The following TPCN1 variants were observed in gnomAD, a reference collection of about 807,000 sequenced individuals.
TPCN1 encodes two pore segment channel 1.
Under a neutral mutation model 108.8 loss-of-function variants are expected in TPCN1, and 52 were observed. The ratio of observed to expected loss-of-function variants is 0.48; its 90% CI spans 0.38 to 0.60. The LOEUF is 0.60. TPCN1 is among the 20% of genes least tolerant of loss of function. The pLI is 0.00. For missense variants in TPCN1, 806 were observed against 1,072.8 expected (o/e 0.75, Z 3.47); for synonymous variants, 446 against 433.7 (o/e 1.03, Z -0.35).
At chr12:113,260,584 C>A in intron 3 of TPCN1, 92 bp downstream of exon 3, 1 of 1,461,834 alleles carries the variant, frequency 6.8e-7, no homozygotes, top group Non-Finnish European at 9.1e-7. Context: ...AAATTCAGTT[C>A]CAGCATCAGT....
At chr12:113,287,937 C>A (rs1220031087) in intron 19 of TPCN1, among the ~76,000 whole-genome samples, 2 of 152,128 alleles carry the variant, frequency 1.3e-5, no homozygotes, top group Non-Finnish European at 2.9e-5. Flanking sequence ...CGTGGAAGGA[C>A]CCCGCCCAGC....
chr12:113,229,358 G>A (rs1394777628), intron 2 of TPCN1, among the ~76,000 whole-genome samples: 1 of 152,256 alleles, frequency 6.6e-6, no homozygotes, highest in Non-Finnish European at 1.5e-5. Context: ...GGTAGGACCT[G>A]TGCAAGTAAA....
intron 2 of TPCN1, among the ~76,000 whole-genome samples, chr12:113,246,881 T>G (rs1954415927): frequency 6.6e-6 from 1 of 152,214 alleles, no homozygotes; most frequent in Non-Finnish European, 1.5e-5. Context: ...GGGGCTGGAC[T>G]GGGGTGATGC....
intron 2 of TPCN1, among the ~76,000 whole-genome samples, chr12:113,228,249 C>T (rs1463659002): frequency 6.6e-6 from 1 of 152,200 alleles, no homozygotes. Flanking sequence ...TTCCCCTTCT[C>T]CTCTTCCTTC....
At chr12:113,267,795 C>T in intron 4 of TPCN1, 48 bp from the exon 5 acceptor site, 2 of 1,318,658 alleles carry the variant, frequency 1.5e-6, no homozygotes, top group Non-Finnish European at 1.1e-6. Context: ...AGAGGAGTGG[C>T]CATGGGCTGG....
rs768126426 is a variant in TPCN1, at chr12:113,231,329, C to T, written c.112+4365C>T. On this transcript the variant is annotated intron_variant, in intron 2 of 27. Transcript: ENST00000335509. This position sits in a 1 kb window ranked among gnomAD's most constrained non-coding sequence, Gnocchi z 4.3. ...TTTGGTTTCTTGCGAAGCCTCTTTCCTTGGCTCGCAAATGGTTATCTTCTT... is the reference window on the plus strand; with the variant it reads ...TTTGGTTTCTTGCGAAGCCTCTTTCTTTGGCTCGCAAATGGTTATCTTCTT... Among the ~76,000 whole-genome samples, 2 of 152,222 alleles carry T rather than the reference C, an allele frequency of 1.3e-5. No homozygotes were observed. Among genetic ancestry groups the T allele is most frequent in the Non-Finnish European group, 2.9e-5 (2 of 68,040 alleles).
intron 3 of TPCN1, among the ~76,000 whole-genome samples, chr12:113,263,739 G>C (rs1955134216): frequency 6.6e-6 from 1 of 152,246 alleles, no homozygotes; most frequent in Non-Finnish European, 1.5e-5. Context: ...GTGCTCAGCA[G>C]TCCTGACGCC....
chr12:113,258,085 A>T (rs1043127617), intron 2 of TPCN1, among the ~76,000 whole-genome samples: 8 of 152,232 alleles, frequency 5.3e-5, no homozygotes, highest in African/African-American at 1.2e-4. Context: ...GATTTTACAG[A>T]TATGCACGTA....
At chr12:113,245,430 T>C (rs1441273170) in intron 2 of TPCN1, among the ~76,000 whole-genome samples, 1 of 135,356 alleles carries the variant, frequency 7.4e-6, no homozygotes, top group Non-Finnish European at 1.6e-5. Context: ...ACCCCGTCTC[T>C]ACTAAAAAAA....
Position 113,289,966 on chromosome 12 carries a change from G to A in TPCN1, c.1797-162G>A. 3.5e-6 allele frequency: 2 copies of A among 569,904 alleles called. No individual in the cohort carries two copies. Among genetic ancestry groups the A allele is most frequent in the Non-Finnish European group, 6.2e-6 (2 of 320,994 alleles). The allele number at this position is 569,904 out of a possible 1,614,324, so 35.3% of individuals were successfully genotyped here. On this transcript the variant is annotated intron_variant, in intron 21 of 27. Coordinates refer to ENST00000335509, the MANE Select transcript of TPCN1 (RefSeq NM_017901.6). This position sits in a 1 kb window ranked among gnomAD's most constrained non-coding sequence, Gnocchi z 4.1. Reference sequence around the variant, plus strand: ...AATAGCCAAGGGCATTCCTTCAGCAGGGACCCAGGCATGAGGTGGAGAGGG... The same window carrying A: ...AATAGCCAAGGGCATTCCTTCAGCAAGGACCCAGGCATGAGGTGGAGAGGG...
At chr12:113,239,329 T>C (rs1486426915) in intron 2 of TPCN1, among the ~76,000 whole-genome samples, 2 of 152,172 alleles carry the variant, frequency 1.3e-5, no homozygotes, top group Non-Finnish European at 2.9e-5. Flanking sequence ...TGATGCCTGT[T>C]TGAGATGACT....
chr12:113,260,497 G>A lies in TPCN1; in HGVS notation c.237+5G>A, dbSNP rs1954988871. 5 of 1,570,404 alleles carry A rather than the reference G, an allele frequency of 3.2e-6. No homozygotes were observed. The highest frequency in any genetic ancestry group is 4.3e-6 in the Non-Finnish European group (5 of 1,161,646). On this transcript the variant is annotated splice_donor_5th_base_variant and intron_variant, in intron 3 of 27. Transcript: ENST00000335509. ...GAGGCAGCAATCTACCTCCAGGTGA[G>A]TATCTCCAGTCAGGCCCTGGCAGTT...
intron 15 of TPCN1, among the ~76,000 whole-genome samples, chr12:113,281,599 C>G (rs1955886932): frequency 6.6e-6 from 1 of 152,142 alleles, no homozygotes; most frequent in African/African-American, 2.4e-5. Flanking sequence ...GCCCTAGTGG[C>G]ATAGTCATGG....
rs540812971 is a variant in TPCN1, at chr12:113,242,003, G to A, written c.112+15039G>A. ...TGGGTCTTGAAATTCATGGACTAAA[G>A]AAGAAGTCATGTCCTGCCTCACCAA... On this transcript the variant is annotated intron_variant, in intron 2 of 27. Transcript: ENST00000335509. 1.1e-3 allele frequency among the ~76,000 whole-genome samples: 162 copies of A among 152,238 alleles called. 1 individual carries two copies. Among genetic ancestry groups the A allele is most frequent in the African/African-American group, 3.8e-3 (157 of 41,530 alleles).
At position 113,284,873 on chromosome 12, in the gene TPCN1, C is replaced by T; in HGVS notation, c.1453+102C>T. 7.6e-7 allele frequency: 1 copy of T among 1,313,276 alleles called. No individual in the cohort carries two copies. Among genetic ancestry groups the T allele is most frequent in the Middle Eastern group, 1.9e-4 (1 of 5,312 alleles). 81.4% of individuals were successfully genotyped at this position (1,313,276 alleles called of 1,614,324 possible). A position where few individuals can be genotyped will look rare whatever the true frequency, so the allele number is the denominator to read the frequency against. ...CATGGTTCTTCTCTAAAACAGGAAG[C>T]TATAAAGAGACGGAGTAATCAGTCT... On this transcript the variant is annotated intron_variant, in intron 17 of 27. Coordinates refer to ENST00000335509, the MANE Select transcript of TPCN1 (RefSeq NM_017901.6). This position sits in a 1 kb window ranked among gnomAD's most constrained non-coding sequence, Gnocchi z 4.1.
chr12:113,290,265 G>A, intron 22 of TPCN1, 22 bp downstream of exon 22: 9 of 1,517,318 alleles, frequency 5.9e-6, no homozygotes, highest in Non-Finnish European at 8.1e-6. Flanking sequence ...AAATCACAGG[G>A]GGCACATTCC....
intron 1 of TPCN1, among the ~76,000 whole-genome samples, chr12:113,222,109 A>G (rs1460390903): frequency 6.6e-6 from 1 of 152,188 alleles, no homozygotes; most frequent in Non-Finnish European, 1.5e-5. Flanking sequence ...ACCAGGACGC[A>G]GGAGTCCCGG....
At chr12:113,247,601 G>A (rs1478258435) in intron 2 of TPCN1, among the ~76,000 whole-genome samples, 3 of 152,242 alleles carry the variant, frequency 2.0e-5, no homozygotes, top group Non-Finnish European at 2.9e-5. Context: ...AGCCCCACCC[G>A]GCCCCTGCCG....
chr12:113,265,548 C>CTT (rs773726528), intron 3 of TPCN1, among the ~76,000 whole-genome samples: 12 of 140,946 alleles, frequency 8.5e-5, no homozygotes, highest in South Asian at 2.3e-4. Context: ...CTTTTTCTTT[C>CTT]TTTTTTTTTT....
Sources: allele counts gnomAD v4.1 joint callset (sites outside exome capture counted in the v4.1 genomes callset), GRCh38; gene constraint gnomAD v4.1.1; non-coding constraint Gnocchi (gnomAD v3.1); transcripts MANE v1.5; gene names NCBI Gene and HGNC (gene_info 2026-07-23, HGNC 2026-07-21).